GABRR3: variants seen among roughly 807,000 people sequenced by gnomAD.
GABRR3 encodes the protein gamma-aminobutyric acid type A receptor subunit rho3.
A neutral mutation model predicts 43.2 loss-of-function variants in GABRR3; 29 were observed. The ratio of observed to expected loss-of-function variants is 0.67; its 90% CI spans 0.50 to 0.92. The LOEUF is 0.92. GABRR3 is among the 40% of genes least tolerant of loss of function. GABRR3 has a pLI of 0.00. For missense variants in GABRR3, 576 were observed against 572.3 expected (o/e 1.01, Z -0.07); for synonymous variants, 206 against 195.9 (o/e 1.05, Z -0.43).
At chr3:98,023,452 G>T (rs2107247646) in intron 3 of GABRR3, among the ~76,000 whole-genome samples, 1 of 152,218 alleles carries the variant, frequency 6.6e-6, no homozygotes, top group East Asian at 1.9e-4. Context: ...ACAGGCAAAT[G>T]TATCGACTGA....
At chr3:98,002,052 C>T (rs1706653130) in intron 7 of GABRR3, among the ~76,000 whole-genome samples, 1 of 152,002 alleles carries the variant, frequency 6.6e-6, no homozygotes, top group African/African-American at 2.4e-5. Context: ...TCTGTCTCCA[C>T]AATATATTGT....
At chr3:97,988,927 G>A (rs1464662241) in intron 9 of GABRR3, among the ~76,000 whole-genome samples, 3 of 150,348 alleles carry the variant, frequency 2.0e-5, no homozygotes, top group Non-Finnish European at 4.4e-5. Flanking sequence ...GGTAGAGGTA[G>A]TGAGTGGGGA....
At chr3:98,027,932 A>T (rs1351339199) in intron 2 of GABRR3, among the ~76,000 whole-genome samples, 1 of 152,124 alleles carries the variant, frequency 6.6e-6, no homozygotes, top group Non-Finnish European at 1.5e-5. Flanking sequence ...CAGAAATTTT[A>T]TATCATTCTT....
At chr3:97,999,090 G>A (rs1253597794) in intron 8 of GABRR3, 4 of 152,060 alleles carry the variant, frequency 2.6e-5, no homozygotes, top group African/African-American at 4.8e-5. Flanking sequence ...GGGAGGCCCC[G>A]AACAGAATGA....
intron 8 of GABRR3, chr3:97,997,295 A>ACAAT: frequency 6.6e-6 from 1 of 152,190 alleles, no homozygotes. Context: ...GCCGAAGGAC[A>ACAAT]CAATTCCAGA....
chr3:98,013,763 G>T (rs1292654928), intron 4 of GABRR3, among the ~76,000 whole-genome samples: 1 of 152,128 alleles, frequency 6.6e-6, no homozygotes, highest in Non-Finnish European at 1.5e-5. Flanking sequence ...TAAACAGAAT[G>T]GTTGCTTCAT....
chr3:97,986,751 AG>A lies in GABRR3; in HGVS notation c.1335del (p.Tyr446IlefsTer?), dbSNP rs1406948388. Reference sequence around the variant, plus strand: ...ACAATGGGGAATAAAATCCTAGAATAGGTGTCAATGACATGGTTGTTTTCCA... The same window carrying A: ...ACAATGGGGAATAAAATCCTAGAATAGTGTCAATGACATGGTTGTTTTCCA... On this transcript the variant is annotated frameshift_variant, in exon 10 of 10. Coordinates refer to ENST00000621172, the Ensembl canonical transcript of GABRR3. LOFTEE classifies it high-confidence loss of function. 6 of 1,597,790 alleles carry A rather than the reference AG, an allele frequency of 3.8e-6. No individual in the cohort carries two copies. Among genetic ancestry groups the A allele is most frequent in the Non-Finnish European group, 5.1e-6 (6 of 1,170,052 alleles).
At chr3:97,985,262 C>A (rs184612550), downstream of GABRR3, among the ~76,000 whole-genome samples, 1 of 152,214 alleles carries the variant, frequency 6.6e-6, no homozygotes, top group Non-Finnish European at 1.5e-5. Flanking sequence ...AAAATGAACA[C>A]TGATCATAGG....
chr3:98,034,625 G>A (rs1707128924), intron 2 of GABRR3, among the ~76,000 whole-genome samples: 1 of 152,070 alleles, frequency 6.6e-6, no homozygotes, highest in Non-Finnish European at 1.5e-5. Context: ...CCCTTTAACT[G>A]TTTTCTCCCA....
At chr3:98,011,698 C>T (rs1166672215) in intron 5 of GABRR3, among the ~76,000 whole-genome samples, 2 of 151,980 alleles carry the variant, frequency 1.3e-5, no homozygotes, top group Non-Finnish European at 2.9e-5. Flanking sequence ...TTTCTTCACC[C>T]TACTTTAGAA....
chr3:98,033,925 T>C (rs968285272), intron 2 of GABRR3, among the ~76,000 whole-genome samples: 1 of 152,150 alleles, frequency 6.6e-6, no homozygotes, highest in South Asian at 2.1e-4. Flanking sequence ...TCATTAAACC[T>C]GAGACTTCAG....
At chr3:97,992,573 C>T (rs1427089633) in intron 9 of GABRR3, among the ~76,000 whole-genome samples, 3 of 152,072 alleles carry the variant, frequency 2.0e-5, no homozygotes, top group East Asian at 3.9e-4. Context: ...TGTATGTCAA[C>T]CCCTTTTATT....
intron 3 of GABRR3, among the ~76,000 whole-genome samples, chr3:98,020,457 CAAAA>C (rs745684367): frequency 9.9e-6 from 1 of 100,594 alleles, no homozygotes; most frequent in Non-Finnish European, 2.0e-5. Flanking sequence ...GTCCAATCTT[CAAAA>C]AAAAAAAAAA....
chr3:98,034,854 G>C lies in GABRR3; in HGVS notation c.125+9C>G. On this transcript the variant is annotated intron_variant, in intron 2 of 9. Transcript: ENST00000621172. ...AGTAATTCCATGGACTGCACTATGAGCATCTTACCAGGTTTGTTTCATTGA... is the reference window on the plus strand; with the variant it reads ...AGTAATTCCATGGACTGCACTATGACCATCTTACCAGGTTTGTTTCATTGA... 1 of 1,612,680 alleles carries C rather than the reference G, an allele frequency of 6.2e-7. No individual in the cohort carries two copies. The highest frequency in any genetic ancestry group is 1.1e-5 in the South Asian group (1 of 91,022).
intron 2 of GABRR3, among the ~76,000 whole-genome samples, chr3:98,031,744 G>GA (rs201454868): frequency 9.7e-4 from 145 of 148,790 alleles, no homozygotes; most frequent in African/African-American, 2.9e-3. Flanking sequence ...CCTTGTTTCA[G>GA]AAAAAAAAAA....
chr3:98,031,615 C>T (rs568306724), intron 2 of GABRR3, among the ~76,000 whole-genome samples: 18 of 151,964 alleles, frequency 1.2e-4, no homozygotes, highest in East Asian at 7.8e-4. Flanking sequence ...TAGTGGCACA[C>T]GCCTGTTGTC....
At chr3:98,025,449 T>C (rs1352234780) in intron 3 of GABRR3, 118 bp downstream of exon 3, 1 of 622,732 alleles carries the variant, frequency 1.6e-6, no homozygotes. Flanking sequence ...TGTAAAAGCC[T>C]TCTTTTTTTG....
intron 2 of GABRR3, among the ~76,000 whole-genome samples, chr3:98,025,974 T>C (rs1029805888): frequency 6.6e-6 from 1 of 152,174 alleles, no homozygotes; most frequent in Non-Finnish European, 1.5e-5. Context: ...AAAATCCCAA[T>C]TACCTGAGTG....
chr3:98,017,909 G>A (rs1706891904), intron 3 of GABRR3, among the ~76,000 whole-genome samples, 187 bp from the exon 4 acceptor site: 1 of 151,730 alleles, frequency 6.6e-6, no homozygotes, highest in East Asian at 1.9e-4. Flanking sequence ...AAAGGCACAT[G>A]TGTAAATAAA....
Sources: gnomAD v4.1 joint callset for allele counts (sites outside exome capture counted in the v4.1 genomes callset) on GRCh38, gnomAD v4.1.1 for gene constraint, MANE v1.5 for transcripts, NCBI Gene and HGNC (gene_info 2026-07-23, HGNC 2026-07-21) for gene names.